The following LUZP1 variants were observed in gnomAD, a reference collection of about 807,000 sequenced individuals.
The protein encoded by LUZP1 is filamin mechanobinding actin cross-linking protein.
A neutral mutation model predicts 71.3 loss-of-function variants in LUZP1; 25 were observed. The observed-to-expected ratio is 0.35, with a 90% CI of 0.26 to 0.49. The LOEUF (loss-of-function observed/expected upper bound fraction) is 0.49. Ranked by LOEUF, LUZP1 falls within the 20% of genes least tolerant of loss-of-function variation. The pLI, the probability that LUZP1 is intolerant of heterozygous loss-of-function variation, is 0.99. For synonymous variants in LUZP1, 481 were observed against 506.4 expected (o/e 0.95, Z 0.67); for missense variants, 1,142 against 1,300.8 (o/e 0.88, Z 1.88).
exon 2 of LUZP1, chr1:23,168,973 A>C (rs1019091118): frequency 6.6e-6 from 1 of 152,090 alleles, no homozygotes; most frequent in African/African-American, 2.4e-5. Context: ...CCCAGGACTT[A>C]GACTCCACCA....
At chr1:23,175,257 C>T (rs1378053209) in intron 1 of LUZP1, among the ~76,000 whole-genome samples, 1 of 152,150 alleles carries the variant, frequency 6.6e-6, no homozygotes, top group East Asian at 1.9e-4. Context: ...TGCACTCAGG[C>T]AGCCATTATT....
intron 3 of LUZP1, among the ~76,000 whole-genome samples, chr1:23,105,179 A>T (rs1202856968): frequency 1.3e-5 from 2 of 152,208 alleles, no homozygotes; most frequent in African/African-American, 4.8e-5. Context: ...AAGAGATGGG[A>T]TAAGGGCCTG....
intron 2 of LUZP1, among the ~76,000 whole-genome samples, chr1:23,154,451 G>C (rs909749461): frequency 2.6e-5 from 4 of 152,164 alleles, no homozygotes; most frequent in African/African-American, 9.7e-5. Context: ...GAGGTGGAAG[G>C]ACTGCTTGAG....
exon 4 of LUZP1, chr1:23,092,429 G>A (rs1416193094): frequency 6.2e-7 from 1 of 1,614,146 alleles, no homozygotes; most frequent in East Asian, 2.2e-5. Flanking sequence ...TGTTCTCTTG[G>A]CTTCTACAGC....
exon 5 of LUZP1, chr1:23,084,410 G>A (rs936692406): frequency 1.3e-5 from 2 of 151,850 alleles, no homozygotes; most frequent in African/African-American, 4.8e-5. Context: ...GCCTTCTCCT[G>A]TAGTCAAATC....
At position 23,145,530 on chromosome 1, in the gene LUZP1, C is replaced by A. The variant is rs147992197; in HGVS notation, c.-226+23236G>T. Reference sequence around the variant, plus strand: ...TGTTGCCCAGGCTGGAGTGCAATGGCGCAATCTCAGCTCACTGCAACCTCC... The same window carrying A: ...TGTTGCCCAGGCTGGAGTGCAATGGAGCAATCTCAGCTCACTGCAACCTCC... On this transcript the variant is annotated intron_variant, in intron 2 of 4. Coordinates refer to ENST00000302291, the Ensembl canonical transcript of LUZP1. 1.2e-4 allele frequency among the ~76,000 whole-genome samples: 17 copies of A among 146,234 alleles called. No homozygotes were observed. The East Asian group carries it at 3.0e-3, about 26-fold the overall frequency.
chr1:23,162,442 A>T (rs79487467), intron 2 of LUZP1, among the ~76,000 whole-genome samples: 2,096 of 131,190 alleles, frequency 0.016, 38 homozygotes, highest in African/African-American at 0.068. Context: ...ATATACTTTT[A>T]TTTTTTTTTT....
chr1:23,091,689 G>A (rs767898208), exon 4 of LUZP1: 43 of 1,613,912 alleles, frequency 2.7e-5, no homozygotes, highest in Middle Eastern at 1.6e-4. Context: ...CATTCTCTCC[G>A]CTTCTGCAAG....
Position 23,157,931 on chromosome 1 carries a change from G to C in LUZP1, c.-226+10835C>G, listed in dbSNP as rs890036493. ...GGAGGCTGAGGCAGGAGGATCGCTT[G>C]AGCCCAGGAGTTCAAAGTTGTAGTG... On this transcript the variant is annotated intron_variant, in intron 2 of 4. Coordinates refer to ENST00000302291, the Ensembl canonical transcript of LUZP1. Among the ~76,000 whole-genome samples, 10 of 152,032 alleles carry C rather than the reference G, an allele frequency of 6.6e-5. 1 individual carries two copies. The South Asian group carries it at 8.3e-4, about 13-fold the overall frequency.
intron 4 of LUZP1, chr1:23,090,816 G>A: frequency 1.4e-6 from 1 of 714,000 alleles, no homozygotes; most frequent in Non-Finnish European, 2.6e-6. Flanking sequence ...TCCTCCTGTT[G>A]CCCAGAGCTC....
At chr1:23,104,574 A>T (rs931332037) in intron 3 of LUZP1, among the ~76,000 whole-genome samples, 5 of 152,162 alleles carry the variant, frequency 3.3e-5, no homozygotes, top group Non-Finnish European at 7.3e-5. Flanking sequence ...TAAATTCTGT[A>T]GATGCTTCTA....
exon 5 of LUZP1, chr1:23,084,562 T>G (rs568419118): frequency 6.6e-6 from 1 of 152,214 alleles, no homozygotes; most frequent in Non-Finnish European, 1.5e-5. Context: ...TGTTACATGC[T>G]GGTTCCTTCC....
rs373696138 is a variant in LUZP1 at position 23,171,329 on chromosome 1, C to A, written c.-484-2305G>T. 5.3e-5 allele frequency among the ~76,000 whole-genome samples: 8 copies of A among 152,248 alleles called. No homozygotes were observed. In the East Asian group the frequency reaches 1.5e-3, roughly 29 times the overall value. On this transcript the variant is annotated intron_variant, in intron 1 of 4. Transcript: ENST00000302291. ...AAACCAGCACTCCAGTCTGCAGACC[C>A]CAGATGGATTCAGCAGAGTCACATC...
chr1:23,121,699 A>G lies in LUZP1; in HGVS notation c.-225-12572T>C, dbSNP rs149683320. ...CAAGTCACTGCACTCCAGATGACAG[A>G]GCAAGACCCTGCCTCAAACATTAAA... On this transcript the variant is annotated intron_variant, in intron 2 of 4. Transcript: ENST00000302291. Among the ~76,000 whole-genome samples, 1,117 of 152,250 alleles carry G rather than the reference A, an allele frequency of 7.3e-3. 10 individuals are homozygous for G. The highest frequency in any genetic ancestry group is 0.024 in the African/African-American group (1,006 of 41,558).
chr1:23,142,702 C>T (rs11576192), intron 2 of LUZP1, among the ~76,000 whole-genome samples: 1,350 of 18,980 alleles, frequency 0.071, 5 homozygotes, highest in Middle Eastern at 0.19. Context: ...TATATATATA[C>T]ACACACACAC....
At chr1:23,139,019 A>AAAAAATATATAT (rs1317355746) in intron 2 of LUZP1, among the ~76,000 whole-genome samples, 24 of 59,944 alleles carry the variant, frequency 4.0e-4, no homozygotes, top group East Asian at 1.2e-3. Context: ...AAAAAAAAAA[A>AAAAAATATATAT]ATATATATAT....
exon 5 of LUZP1, chr1:23,084,793 C>CAGTT (rs1167020900): frequency 6.6e-6 from 1 of 152,088 alleles, no homozygotes; most frequent in South Asian, 2.1e-4. Context: ...AGGATCAGGG[C>CAGTT]AGTTAATGTT....
At chr1:23,117,525 G>GC (rs1225435436) in intron 2 of LUZP1, among the ~76,000 whole-genome samples, 3,415 of 116,144 alleles carry the variant, frequency 0.029, 259 homozygotes, top group East Asian at 0.12. Context: ...GGGGCGGGGG[G>GC]GGGGAACACC....
intron 1 of LUZP1, among the ~76,000 whole-genome samples, chr1:23,176,022 C>T (rs1416497964): frequency 6.7e-6 from 1 of 149,256 alleles, no homozygotes; most frequent in Non-Finnish European, 1.5e-5. Flanking sequence ...AACACTGTCT[C>T]TTATCTGTCT....
Sources: gnomAD v4.1 joint callset for allele counts (sites outside exome capture counted in the v4.1 genomes callset) on GRCh38, gnomAD v4.1.1 for gene constraint, MANE v1.5 for transcripts, NCBI Gene and HGNC (gene_info 2026-07-23, HGNC 2026-07-21) for gene names.